Variants in CNTN1 observed in about 807,000 individuals in gnomAD.
CNTN1 encodes the protein contactin 1.
A neutral mutation model predicts 126.4 loss-of-function variants in CNTN1; 38 were observed. That is an observed-to-expected ratio of 0.30 (90% CI 0.23 to 0.39). CNTN1 has a LOEUF of 0.39. Among genes scored for constraint, CNTN1 ranks in the 10% least tolerant of loss-of-function variants. The pLI, the probability that CNTN1 is intolerant of heterozygous loss-of-function variation, is 1.00. For synonymous variants in CNTN1, 413 were observed against 422.6 expected (o/e 0.98, Z 0.28); for missense variants, 1,009 against 1,248.4 (o/e 0.81, Z 2.89).
intron 1 of CNTN1, among the ~76,000 whole-genome samples, chr12:40,779,717 G>A (rs1296880961): frequency 1.3e-5 from 2 of 151,854 alleles, no homozygotes; most frequent in East Asian, 1.9e-4. Flanking sequence ...GTTCCTCAAA[G>A]TTAAATGAAA....
intron 1 of CNTN1, among the ~76,000 whole-genome samples, chr12:40,862,708 A>G (rs1246004385): frequency 6.6e-6 from 1 of 152,196 alleles, no homozygotes; most frequent in African/African-American, 2.4e-5. Context: ...TGTAAAGGTC[A>G]TGAAAAAAAT....
chr12:40,854,651 G>A (rs542943001), intron 1 of CNTN1, among the ~76,000 whole-genome samples: 34 of 152,096 alleles, frequency 2.2e-4, no homozygotes, highest in Non-Finnish European at 3.8e-4. Context: ...TTTCACTTCC[G>A]TTAACATTTC....
chr12:40,906,705 C>T lies in CNTN1; in HGVS notation c.-76-1652C>T, dbSNP rs573321571. On this transcript the variant is annotated intron_variant, in intron 1 of 23. Transcript: ENST00000551295. ...TTTTGTTTTTTTTGAGATGGAGTTT[C>T]GCTCTTGTTGCCCAGGCTGGAGTGC... 3.7e-3 allele frequency among the ~76,000 whole-genome samples: 391 copies of T among 106,810 alleles called. 3 individuals are homozygous for T. The highest frequency in any genetic ancestry group is 0.014 in the African/African-American group (363 of 26,356). 70.1% of individuals were successfully genotyped at this position (106,810 alleles called of 152,430 possible). A position where few individuals can be genotyped will look rare whatever the true frequency, so the allele number is the denominator to read the frequency against.
intron 1 of CNTN1, among the ~76,000 whole-genome samples, chr12:40,777,673 A>G (rs542646566): frequency 6.6e-5 from 10 of 151,970 alleles, no homozygotes; most frequent in African/African-American, 2.2e-4. Context: ...TGCATTGTCT[A>G]TGCTCTGATA....
At chr12:40,768,259 A>C (rs1301319151) in intron 1 of CNTN1, among the ~76,000 whole-genome samples, 2 of 152,256 alleles carry the variant, frequency 1.3e-5, no homozygotes, top group Admixed American at 6.5e-5. Flanking sequence ...ACTTTAGCTC[A>C]GAATTGAAGG....
intron 1 of CNTN1, among the ~76,000 whole-genome samples, chr12:40,798,583 T>C (rs73112682): frequency 0.013 from 2,038 of 151,956 alleles, 39 homozygotes; most frequent in African/African-American, 0.045. Context: ...GATCATATCC[T>C]TTGCAGGGAC....
intron 23 of CNTN1, among the ~76,000 whole-genome samples, chr12:41,044,489 G>A (rs1226887498): frequency 6.6e-6 from 1 of 152,094 alleles, no homozygotes; most frequent in African/African-American, 2.4e-5. Flanking sequence ...CATCATTAAT[G>A]ACATAAAAAT....
intron 11 of CNTN1, among the ~76,000 whole-genome samples, chr12:40,937,966 G>A (rs73111382): frequency 6.6e-6 from 1 of 152,288 alleles, no homozygotes; most frequent in Non-Finnish European, 1.5e-5. Context: ...GCTCACCCCA[G>A]ACCTACTGAA....
chr12:40,813,054 T>TCTTTCTTTCTTTCTTTCTTA (rs1941135118), intron 1 of CNTN1, among the ~76,000 whole-genome samples: 1 of 134,160 alleles, frequency 7.5e-6, no homozygotes, highest in Non-Finnish European at 1.6e-5. Context: ...TTTCTTTCTT[T>TCTTTCTTTCTTTCTTTCTTA]CTTTCTTCCT....
intron 1 of CNTN1, among the ~76,000 whole-genome samples, chr12:40,849,820 TC>T (rs922081162): frequency 3.2e-4 from 48 of 152,116 alleles, no homozygotes; most frequent in African/African-American, 1.1e-3. Flanking sequence ...AGGAAAAGAC[TC>T]TTTTTTTAAA....
intron 1 of CNTN1, among the ~76,000 whole-genome samples, chr12:40,874,831 T>C (rs1234599317): frequency 6.6e-6 from 1 of 152,216 alleles, no homozygotes; most frequent in East Asian, 1.9e-4. Context: ...TTTCTAATGC[T>C]TACTTCTCAG....
At chr12:40,883,548 C>T (rs1416161947) in intron 1 of CNTN1, among the ~76,000 whole-genome samples, 1 of 151,458 alleles carries the variant, frequency 6.6e-6, no homozygotes, top group Non-Finnish European at 1.5e-5. Context: ...CAAGCATTTT[C>T]TACAGATGTG....
chr12:40,965,998 CCACACACACACACACACACACA>C (rs57532764), intron 15 of CNTN1, among the ~76,000 whole-genome samples: 4 of 136,200 alleles, frequency 2.9e-5, no homozygotes, highest in Non-Finnish European at 6.2e-5. Context: ...CCTCATCACA[CCACACACACACACACACACACA>C]CACACACACA....
chr12:40,970,657 T>C (rs1165117874), intron 15 of CNTN1, among the ~76,000 whole-genome samples: 1 of 152,156 alleles, frequency 6.6e-6, no homozygotes, highest in Non-Finnish European at 1.5e-5. Flanking sequence ...CATACTGTTG[T>C]TAAATGATTA....
At chr12:40,787,816 T>C (rs1449572382) in intron 1 of CNTN1, among the ~76,000 whole-genome samples, 1 of 152,196 alleles carries the variant, frequency 6.6e-6, no homozygotes, top group African/African-American at 2.4e-5. Flanking sequence ...GTGTGATTCA[T>C]CTGGAATTTA....
chr12:40,989,777 G>T (rs1358476056), intron 16 of CNTN1, among the ~76,000 whole-genome samples: 2 of 152,046 alleles, frequency 1.3e-5, no homozygotes, highest in Admixed American at 1.3e-4. Flanking sequence ...AAAAGTAGAA[G>T]AAATGTATAC....
intron 5 of CNTN1, among the ~76,000 whole-genome samples, chr12:40,922,788 T>C (rs1945494045): frequency 6.6e-6 from 1 of 151,826 alleles, no homozygotes; most frequent in Non-Finnish European, 1.5e-5. Flanking sequence ...CTGGCCAACA[T>C]GGTGAAACCC....
chr12:41,047,091 C>T (rs984034574), intron 23 of CNTN1, among the ~76,000 whole-genome samples: 4 of 151,932 alleles, frequency 2.6e-5, no homozygotes, highest in Non-Finnish European at 5.9e-5. Flanking sequence ...CTCCCCTTTG[C>T]ATTCCCATCC....
At chr12:40,720,976 T>TATATATATATA (rs762942012) in intron 1 of CNTN1, among the ~76,000 whole-genome samples, 74 of 151,022 alleles carry the variant, frequency 4.9e-4, no homozygotes, top group Admixed American at 1.1e-3. Flanking sequence ...TGTATATATG[T>TATATATATATA]TATAACATAT....
Sources: allele counts gnomAD v4.1 joint callset (sites outside exome capture counted in the v4.1 genomes callset), GRCh38; gene constraint gnomAD v4.1.1; transcripts MANE v1.5; gene names NCBI Gene and HGNC (gene_info 2026-07-23, HGNC 2026-07-21).